The following DACH2 variants were observed in gnomAD, a reference collection of about 807,000 sequenced individuals.
The protein encoded by DACH2 is dachshund homolog 2.
Under a neutral mutation model 35.8 loss-of-function variants are expected in DACH2, and 17 were observed. That is an observed-to-expected ratio of 0.48 (90% CI 0.33 to 0.71). The LOEUF (loss-of-function observed/expected upper bound fraction) is 0.71, where lower values mean the gene tolerates loss of function less well. DACH2 is among the 30% of genes least tolerant of loss of function. DACH2 has a pLI of 0.02. For missense variants in DACH2, 469 were observed against 472.7 expected (o/e 0.99, Z 0.07); for synonymous variants, 195 against 177.3 (o/e 1.10, Z -0.79).
intron 2 of DACH2, among the ~76,000 whole-genome samples, chrX:86,511,088 A>G (rs1330225963): frequency 9.0e-6 from 1 of 111,648 alleles, no homozygotes; most frequent in Admixed American, 9.5e-5. Context: ...GCCTTGATTA[A>G]TATGTGAATA....
chrX:86,295,446 C>T (rs138333202), intron 1 of DACH2, among the ~76,000 whole-genome samples: 1 of 111,682 alleles, frequency 9.0e-6, no homozygotes, highest in African/African-American at 3.3e-5. Context: ...GTTTCATACC[C>T]AACCAGTTCA....
chrX:86,628,002 A>C (rs915523011), intron 3 of DACH2, among the ~76,000 whole-genome samples: 15 of 111,971 alleles, frequency 1.3e-4, no homozygotes, highest in African/African-American at 4.5e-4. Flanking sequence ...AGAGAACGTA[A>C]AGTAGACCGC....
intron 7 of DACH2, among the ~76,000 whole-genome samples, chrX:86,764,534 C>T (rs752698952): frequency 4.9e-4 from 55 of 111,800 alleles, no homozygotes; most frequent in Non-Finnish European, 8.8e-4. Context: ...CCAGCTCTAT[C>T]CATGTTGTTG....
At chrX:86,748,617 T>C (rs146106934) in intron 7 of DACH2, among the ~76,000 whole-genome samples, 2,757 of 111,878 alleles carry the variant, frequency 0.025, 96 homozygotes, top group African/African-American at 0.086. Flanking sequence ...CCAGGCTTCA[T>C]GGCTCCATCA....
At chrX:86,717,389 T>C (rs1431927696) in intron 6 of DACH2, among the ~76,000 whole-genome samples, 1 of 111,251 alleles carries the variant, frequency 9.0e-6, no homozygotes, top group Non-Finnish European at 1.9e-5. Flanking sequence ...TTCATCCATA[T>C]TGCTGCAAAA....
intron 1 of DACH2, among the ~76,000 whole-genome samples, chrX:86,203,498 A>T (rs1355785283): frequency 1.8e-5 from 2 of 111,512 alleles, no homozygotes; most frequent in Non-Finnish European, 3.8e-5. Flanking sequence ...GACATATAAA[A>T]TTGTATTTAT....
intron 2 of DACH2, among the ~76,000 whole-genome samples, chrX:86,420,265 A>G (rs948725368): frequency 8.9e-6 from 1 of 112,252 alleles, no homozygotes; most frequent in Non-Finnish European, 1.9e-5. Context: ...TGTATGTTCT[A>G]TATTTTATTA....
intron 2 of DACH2, among the ~76,000 whole-genome samples, chrX:86,389,700 T>C (rs182694932): frequency 3.6e-5 from 4 of 112,165 alleles, no homozygotes; most frequent in African/African-American, 1.3e-4. Flanking sequence ...TATTATGCTA[T>C]ATACTCATGC....
chrX:86,160,872 G>A (rs1217121878), intron 1 of DACH2: 2 of 561,153 alleles, frequency 3.6e-6, no homozygotes, highest in African/African-American at 2.2e-5. Context: ...ACCAAGTACA[G>A]TACCAATGCC....
At chrX:86,511,001 G>C (rs1219167565) in intron 2 of DACH2, among the ~76,000 whole-genome samples, 1 of 112,023 alleles carries the variant, frequency 8.9e-6, no homozygotes, top group Non-Finnish European at 1.9e-5. Context: ...GTGCTACAAT[G>C]ATGGACCTTT....
At chrX:86,685,097 G>A (rs1290438764) in intron 4 of DACH2, among the ~76,000 whole-genome samples, 1 of 111,774 alleles carries the variant, frequency 8.9e-6, no homozygotes, top group Admixed American at 9.6e-5. Flanking sequence ...TTGAGTAGAA[G>A]TATCAGCTCT....
chrX:86,286,115 G>GT (rs753864299), intron 1 of DACH2, among the ~76,000 whole-genome samples: 881 of 45,700 alleles, frequency 0.019, 115 homozygotes, highest in East Asian at 0.082. Context: ...CAGCCAGTCT[G>GT]TTTTTTTTTT....
intron 1 of DACH2, among the ~76,000 whole-genome samples, chrX:86,285,576 C>T (rs1487196403): frequency 9.0e-6 from 1 of 111,689 alleles, no homozygotes; most frequent in Non-Finnish European, 1.9e-5. Context: ...GTTTTATGAC[C>T]TAAGATATGG....
At position 86,695,152 on chromosome X, in the gene DACH2, C is replaced by T; in HGVS notation, c.904C>T (p.Leu302=). The T allele has an allele frequency of 9.1e-7, 1 of 1,093,371 alleles. No homozygotes were observed. Among genetic ancestry groups the T allele is most frequent in the Non-Finnish European group, 1.2e-6 (1 of 834,463 alleles). 90.1% of individuals were successfully genotyped at this position (1,093,371 alleles called of 1,213,427 possible). Residue 302 remains leucine, a synonymous_variant, in exon 5 of 12, where the codon CTG becomes TTG. Transcript: ENST00000373125. ...TGGGGGTGCTCCAACCCTCAATCCA[C>T]TGCAGCAGAACCACCTGCTAACCAA... ...GIGGAPTLNP[L]QQNHLLTNRL...
intron 3 of DACH2, among the ~76,000 whole-genome samples, chrX:86,642,734 G>A (rs1238765386): frequency 9.0e-6 from 1 of 111,575 alleles, no homozygotes; most frequent in South Asian, 3.7e-4. Context: ...AAATGGAAAA[G>A]AACCAAAATC....
chrX:86,424,166 C>A (rs764886654), intron 2 of DACH2, among the ~76,000 whole-genome samples: 1 of 109,944 alleles, frequency 9.1e-6, no homozygotes, highest in African/African-American at 3.3e-5. Flanking sequence ...TTTGGCTATT[C>A]TGGATCTTTT....
chrX:86,688,421 T>C (rs2040973400), intron 4 of DACH2, among the ~76,000 whole-genome samples: 3 of 111,778 alleles, frequency 2.7e-5, no homozygotes, highest in Non-Finnish European at 5.6e-5. Flanking sequence ...AAAGGCAGTG[T>C]CAGTGGGAAT....
chrX:86,580,625 T>C (rs1307727463), intron 3 of DACH2, among the ~76,000 whole-genome samples: 1 of 111,067 alleles, frequency 9.0e-6, no homozygotes, highest in Non-Finnish European at 1.9e-5. Context: ...TCAACCAAGC[T>C]GAGGAAAGAA....
At chrX:86,179,732 C>G (rs1476030926) in intron 1 of DACH2, among the ~76,000 whole-genome samples, 1 of 111,533 alleles carries the variant, frequency 9.0e-6, no homozygotes, top group East Asian at 2.8e-4. Flanking sequence ...AAGGAGCTGG[C>G]TTGCTCTTTT....
Sources: gnomAD v4.1 joint callset for allele counts (sites outside exome capture counted in the v4.1 genomes callset) on GRCh38, gnomAD v4.1.1 for gene constraint, MANE v1.5 for transcripts, NCBI Gene and HGNC (gene_info 2026-07-23, HGNC 2026-07-21) for gene names.